The following CAMK4 variants were observed in gnomAD, a reference collection of about 807,000 sequenced individuals.
CAMK4 encodes calcium/calmodulin dependent protein kinase IV.
A neutral mutation model predicts 44.9 loss-of-function variants in CAMK4; 22 were observed. The observed-to-expected ratio is 0.49, with a 90% CI of 0.35 to 0.70. CAMK4 has a LOEUF of 0.70. CAMK4 is among the 30% of genes least tolerant of loss of function. The pLI is 0.01. For synonymous variants in CAMK4, 218 were observed against 215.4 expected, an observed-to-expected ratio of 1.01 and a Z score of -0.11; for missense variants, 498 against 586.8, an observed-to-expected ratio of 0.85 and a Z score of 1.56.
rs1379562437 is a variant in CAMK4, at chr5:111,492,892, A to C, written c.*8426A>C. 1.3e-5 allele frequency: 2 copies of C among 152,214 alleles called. No individual in the cohort carries two copies. Among genetic ancestry groups the C allele is most frequent in the Non-Finnish European group, 2.9e-5 (2 of 68,062 alleles). 9.4% of individuals were successfully genotyped at this position (152,214 alleles called of 1,614,324 possible). On this transcript the variant is annotated 3_prime_UTR_variant, in exon 11 of 11. Transcript: ENST00000282356. ...AGCCCTAGGAATGGAAAGAGGGAAA[A>C]GCTCCCTTTTGCCAGGAATGATGAA...
chr5:111,387,138 C>T (rs1055837345), intron 4 of CAMK4, among the ~76,000 whole-genome samples: 2 of 152,144 alleles, frequency 1.3e-5, no homozygotes, highest in African/African-American at 4.8e-5. Flanking sequence ...AGAAATACAG[C>T]AATAACTATG....
upstream of CAMK4, chr5:111,224,177 C>T (rs576097029): frequency 1.5e-3 from 376 of 246,676 alleles, 2 homozygotes; most frequent in African/African-American, 8.0e-3. The surrounding 1 kb of genome is among the most constrained non-coding windows in gnomAD (Gnocchi z 5.7). Flanking sequence ...GGGAAAGGCT[C>T]GGCGCGGGAG....
rs771255670 is a variant in CAMK4, at chr5:111,374,876, G to A, written c.267G>A (p.Glu89=). 7.4e-6 allele frequency: 12 copies of A among 1,611,842 alleles called. No individual in the cohort carries two copies. Among genetic ancestry groups the A allele is most frequent in the Non-Finnish European group, 1.0e-5 (12 of 1,178,284 alleles). ...TGGACAAAAAAATCGTAAGAACTGA[G>A]ATAGGAGTTCTTCTTCGCCTCTCAC... ...KTVDKKIVRT[E]IGVLLRLSHP... is the part of the protein sequence containing the mutation. The change falls in exon 3 of 11, where the codon GAG becomes GAA. Residue 89 remains glutamate (E), a synonymous_variant. Coordinates refer to ENST00000282356, the MANE Select transcript of CAMK4 (RefSeq NM_001744.6).
At chr5:111,385,114 AT>A (rs1022465476) in intron 4 of CAMK4, among the ~76,000 whole-genome samples, 4 of 152,128 alleles carry the variant, frequency 2.6e-5, no homozygotes, top group Admixed American at 2.0e-4. Context: ...AATATCACAA[AT>A]TTTTTTAATG....
At chr5:111,330,068 G>A (rs414183) in intron 1 of CAMK4, among the ~76,000 whole-genome samples, 136,132 of 148,668 alleles carry the variant, frequency 0.92, 62,448 homozygotes, top group East Asian at 1. Context: ...TTTGGTAGAA[G>A]TCCTCAGAAT....
intron 5 of CAMK4, among the ~76,000 whole-genome samples, chr5:111,404,459 T>G (rs1176160928): frequency 6.6e-6 from 1 of 152,194 alleles, no homozygotes; most frequent in Non-Finnish European, 1.5e-5. Context: ...CTGCAGTTGT[T>G]TGAACATTGC....
chr5:111,257,953 A>G (rs1749810754), intron 1 of CAMK4, among the ~76,000 whole-genome samples: 1 of 152,172 alleles, frequency 6.6e-6, no homozygotes, highest in African/African-American at 2.4e-5. Context: ...TTGAGAACAC[A>G]TGGACAATGA....
intron 1 of CAMK4, among the ~76,000 whole-genome samples, chr5:111,303,720 G>A (rs912271695): frequency 2.7e-5 from 4 of 148,116 alleles, no homozygotes; most frequent in East Asian, 4.0e-4. Flanking sequence ...GCAGGCCAAC[G>A]TTCAGATTCA....
intron 5 of CAMK4, among the ~76,000 whole-genome samples, chr5:111,407,035 G>C (rs561658535): frequency 2.0e-5 from 3 of 152,210 alleles, no homozygotes; most frequent in Non-Finnish European, 4.4e-5. Context: ...TGAGAAATAT[G>C]TCTAGTTAAT....
chr5:111,458,831 G>A (rs899820949), intron 7 of CAMK4, among the ~76,000 whole-genome samples: 1 of 152,188 alleles, frequency 6.6e-6, no homozygotes. Flanking sequence ...CACACCAGGT[G>A]TCTTTAAAGT....
intron 1 of CAMK4, among the ~76,000 whole-genome samples, chr5:111,328,460 G>T (rs1310607865): frequency 6.6e-6 from 1 of 152,066 alleles, no homozygotes; most frequent in Admixed American, 6.6e-5. Flanking sequence ...CTCCAGCTTT[G>T]TTCTTTTGGC....
At chr5:111,226,775 C>A (rs1221643226) in intron 1 of CAMK4, among the ~76,000 whole-genome samples, 2 of 152,170 alleles carry the variant, frequency 1.3e-5, no homozygotes, top group African/African-American at 4.8e-5. Context: ...ATGGCCGGTG[C>A]CCAGCATCAG....
At chr5:111,379,011 A>T (rs111644713) in intron 4 of CAMK4, among the ~76,000 whole-genome samples, 2,136 of 151,974 alleles carry the variant, frequency 0.014, 58 homozygotes, top group African/African-American at 0.049. Flanking sequence ...TTTTTTATGG[A>T]TGTATTCCTT....
At chr5:111,407,085 G>T (rs1752461224) in intron 5 of CAMK4, among the ~76,000 whole-genome samples, 1 of 152,170 alleles carries the variant, frequency 6.6e-6, no homozygotes, top group African/African-American at 2.4e-5. Flanking sequence ...CGGGTGCGAT[G>T]GCTCATGCCT....
intron 1 of CAMK4, among the ~76,000 whole-genome samples, chr5:111,341,434 A>G (rs1179258865): frequency 6.6e-6 from 1 of 151,160 alleles, no homozygotes; most frequent in East Asian, 1.9e-4. Flanking sequence ...ATATCTAGTC[A>G]TTCAAGCACT....
intron 2 of CAMK4, among the ~76,000 whole-genome samples, chr5:111,357,297 A>C (rs1045674294): frequency 6.6e-6 from 1 of 152,042 alleles, no homozygotes; most frequent in Non-Finnish European, 1.5e-5. Context: ...GGGCACTAGG[A>C]AAGTTGAGAG....
chr5:111,224,990 G>T lies in CAMK4; in HGVS notation c.161+346G>T, dbSNP rs1228617292. Among the ~76,000 whole-genome samples the T allele has an allele frequency of 2.6e-5, 4 of 152,092 alleles. No homozygotes were observed. The highest frequency in any genetic ancestry group is 5.9e-5 in the Non-Finnish European group (4 of 68,022). ...CGATTATAGCTTGCCAGAGGGTCCT[G>T]TTTGTCTAGTTATTGTTTAGGGTGG... On this transcript the variant is annotated intron_variant, in intron 1 of 10. Coordinates refer to ENST00000282356, the MANE Select transcript of CAMK4 (RefSeq NM_001744.6). The surrounding 1 kb of genome is among the most constrained non-coding windows in gnomAD (Gnocchi z 5.7).
rs1755576602 is a variant in CAMK4 at position 111,485,306 on chromosome 5, A to G, written c.*840A>G. 6.6e-6 allele frequency: 1 copy of G among 152,152 alleles called. No homozygotes were observed. Among genetic ancestry groups the G allele is most frequent in the Non-Finnish European group, 1.5e-5 (1 of 68,022 alleles). The allele number at this position is 152,152 out of a possible 1,614,324, so 9.4% of individuals were successfully genotyped here. ...ATGAAGATAAGATTGATTCCTTTTCATTTTCCAGATAAAATTGTATTTACT... is the reference window on the plus strand; with the variant it reads ...ATGAAGATAAGATTGATTCCTTTTCGTTTTCCAGATAAAATTGTATTTACT... On this transcript the variant is annotated 3_prime_UTR_variant, in exon 11 of 11. Coordinates refer to ENST00000282356, the MANE Select transcript of CAMK4 (RefSeq NM_001744.6).
At chr5:111,253,254 C>G (rs1749597373) in intron 1 of CAMK4, among the ~76,000 whole-genome samples, 1 of 152,194 alleles carries the variant, frequency 6.6e-6, no homozygotes. Context: ...TCATCTTCCT[C>G]TAAAAGGACC....
Sources: gnomAD v4.1 joint callset for allele counts (sites outside exome capture counted in the v4.1 genomes callset) on GRCh38, gnomAD v4.1.1 for gene constraint, Gnocchi (gnomAD v3.1) non-coding constraint, MANE v1.5 for transcripts, NCBI Gene and HGNC (gene_info 2026-07-23, HGNC 2026-07-21) for gene names.